The following GSDME variants were observed in gnomAD, a reference collection of about 807,000 sequenced individuals.
GSDME encodes gasdermin E.
A neutral mutation model predicts 47.5 loss-of-function variants in GSDME; 44 were observed. The ratio of observed to expected loss-of-function variants is 0.93; its 90% CI spans 0.73 to 1.19. GSDME has a LOEUF of 1.19. GSDME is among the 50% of genes most tolerant of loss of function. The probability of loss-of-function intolerance (pLI) is 0.00; values close to 1 mark genes in which losing one functional copy is unlikely to be tolerated. For missense variants in GSDME, 663 were observed against 604.2 expected, an observed-to-expected ratio of 1.10 and a Z score of -1.02; for synonymous variants, 258 against 252.8, an observed-to-expected ratio of 1.02 and a Z score of -0.20.
chr7:24,729,942 G>C (rs558886137), intron 3 of GSDME, among the ~76,000 whole-genome samples: 1 of 152,204 alleles, frequency 6.6e-6, no homozygotes, highest in Non-Finnish European at 1.5e-5. Flanking sequence ...CCATTTCCCA[G>C]AGAAACTGTC....
the GSDME span, among the ~76,000 whole-genome samples, chr7:24,780,193 G>A: frequency 2.0e-5 from 3 of 152,378 alleles, no homozygotes; most frequent in African/African-American, 7.2e-5. The surrounding 1 kb of genome is among the most constrained non-coding windows in gnomAD (Gnocchi z 4.1). Context: ...TTCCCGCCTT[G>A]TGAAATCACA....
At chr7:24,731,814 G>A (rs1790154812) in intron 3 of GSDME, among the ~76,000 whole-genome samples, 2 of 152,348 alleles carry the variant, frequency 1.3e-5, no homozygotes, top group South Asian at 4.1e-4. Flanking sequence ...TTGGTTTAAA[G>A]AAAAAGATCT....
At chr7:24,789,516 A>T in the GSDME span, among the ~76,000 whole-genome samples, 1 of 152,248 alleles carries the variant, frequency 6.6e-6, no homozygotes. Flanking sequence ...ACCGGTAATC[A>T]GAACGGAACA....
the GSDME span, among the ~76,000 whole-genome samples, chr7:24,766,507 T>C: frequency 3.9e-5 from 6 of 152,134 alleles, no homozygotes; most frequent in Admixed American, 1.3e-4. The surrounding 1 kb of genome is among the most constrained non-coding windows in gnomAD (Gnocchi z 4.2). Flanking sequence ...CCTGTGTCCA[T>C]GTGTTCTCAT....
At position 24,745,366 on chromosome 7, in the gene GSDME, A is replaced by G. The variant is rs1241561362; in HGVS notation, c.212-612T>C. Among the ~76,000 whole-genome samples, 1 of 152,030 alleles carries G rather than the reference A, an allele frequency of 6.6e-6. No homozygotes were observed. The highest frequency in any genetic ancestry group is 3.2e-3 in the Middle Eastern group (1 of 316). The stretch of plus-strand genomic sequence containing the variant: ...TCTACCCACCCACCAGTCTTGGAAA[A>G]CAATCCCCTGGCCCTTATTACCATC... On this transcript the variant is annotated intron_variant, in intron 2 of 9. Transcript: ENST00000645220. The surrounding 1 kb of genome is among the most constrained non-coding windows in gnomAD (Gnocchi z 4.4).
the GSDME span, among the ~76,000 whole-genome samples, chr7:24,780,748 G>A: frequency 6.6e-6 from 1 of 152,180 alleles, no homozygotes; most frequent in South Asian, 2.1e-4. This position sits in a 1 kb window ranked among gnomAD's most constrained non-coding sequence, Gnocchi z 4.1. Context: ...CTCCGCAAGC[G>A]GCAGAGCAGG....
chr7:24,710,814 A>G (rs1789322578), intron 5 of GSDME, among the ~76,000 whole-genome samples: 1 of 152,240 alleles, frequency 6.6e-6, no homozygotes, highest in Non-Finnish European at 1.5e-5. Flanking sequence ...TTATGTGATT[A>G]TATTTTTAAG....
chr7:24,757,051 G>A lies in GSDME; in HGVS notation c.-20+345C>T, dbSNP rs1791046891. 6.6e-6 allele frequency among the ~76,000 whole-genome samples: 1 copy of A among 152,176 alleles called. No homozygotes were observed. The highest frequency in any genetic ancestry group is 2.1e-4 in the South Asian group (1 of 4,836). On this transcript the variant is annotated intron_variant, in intron 1 of 9. Transcript: ENST00000645220. This position sits in a 1 kb window ranked among gnomAD's most constrained non-coding sequence, Gnocchi z 5.9. The stretch of plus-strand genomic sequence containing the variant: ...GGAGGGGGGGTTTGGGGGGTTGGGA[G>A]AACGAAAATACCAGCTGCGCTTCCA...
intron 3 of GSDME, among the ~76,000 whole-genome samples, chr7:24,741,794 G>A (rs773736371): frequency 7.9e-5 from 12 of 152,132 alleles, no homozygotes; most frequent in Non-Finnish European, 1.3e-4. Flanking sequence ...GGCAGACAAC[G>A]TGGATAAGAA....
intron 9 of GSDME, among the ~76,000 whole-genome samples, chr7:24,700,361 A>T (rs951576260): frequency 6.6e-6 from 1 of 152,194 alleles, no homozygotes; most frequent in Non-Finnish European, 1.5e-5. Flanking sequence ...ATATTTTACA[A>T]ATCTTAAGCA....
chr7:24,755,029 C>G (rs548134218), intron 1 of GSDME, among the ~76,000 whole-genome samples: 3 of 152,184 alleles, frequency 2.0e-5, no homozygotes, highest in Non-Finnish European at 4.4e-5. Flanking sequence ...TTCATAATAA[C>G]TCTTTGAAGT....
At chr7:24,743,419 A>G (rs1359567383) in intron 3 of GSDME, among the ~76,000 whole-genome samples, 1 of 152,240 alleles carries the variant, frequency 6.6e-6, no homozygotes, top group Non-Finnish European at 1.5e-5. Flanking sequence ...ATGTTACTGT[A>G]CAAACTGAAA....
chr7:24,709,681 A>G (rs1001037098), intron 6 of GSDME, among the ~76,000 whole-genome samples: 10 of 152,182 alleles, frequency 6.6e-5, no homozygotes, highest in Admixed American at 6.5e-4. Flanking sequence ...CTAAAGCACA[A>G]TACGCTGTGA....
At chr7:24,789,507 CCGGTAATCAGAA>C in the GSDME span, among the ~76,000 whole-genome samples, 1 of 152,160 alleles carries the variant, frequency 6.6e-6, no homozygotes, top group African/African-American at 2.4e-5. Context: ...GCTGCATGCA[CCGGTAATCAGAA>C]CGGAACAGAA....
chr7:24,740,378 C>G (rs951368101), intron 3 of GSDME, among the ~76,000 whole-genome samples: 1 of 151,584 alleles, frequency 6.6e-6, no homozygotes, highest in African/African-American at 2.4e-5. Context: ...TATAACATAA[C>G]TTTAGGATAC....
intron 6 of GSDME, among the ~76,000 whole-genome samples, chr7:24,709,353 TCAAGTGGCA>T (rs1789252843): frequency 6.6e-6 from 1 of 152,232 alleles, no homozygotes; most frequent in African/African-American, 2.4e-5. Flanking sequence ...ACAAAATCCT[TCAAGTGGCA>T]GCTGAAAATT....
the GSDME span, among the ~76,000 whole-genome samples, chr7:24,781,301 G>A: frequency 6.6e-6 from 1 of 152,190 alleles, no homozygotes; most frequent in Non-Finnish European, 1.5e-5. Context: ...AAGAGGAACA[G>A]CATGCACAAA....
chr7:24,710,838 TATA>T (rs1789323520), intron 5 of GSDME, among the ~76,000 whole-genome samples: 1 of 152,222 alleles, frequency 6.6e-6, no homozygotes, highest in Non-Finnish European at 1.5e-5. Context: ...TCAATGTTTC[TATA>T]ATATATAGAA....
At chr7:24,783,290 T>C in the GSDME span, among the ~76,000 whole-genome samples, 2 of 152,196 alleles carry the variant, frequency 1.3e-5, no homozygotes, top group Non-Finnish European at 2.9e-5. Flanking sequence ...TACAAGATTG[T>C]AGCTGTAAGC....
Sources: gnomAD v4.1 joint callset for allele counts (sites outside exome capture counted in the v4.1 genomes callset) on GRCh38, gnomAD v4.1.1 for gene constraint, Gnocchi (gnomAD v3.1) non-coding constraint, MANE v1.5 for transcripts, NCBI Gene and HGNC (gene_info 2026-07-23, HGNC 2026-07-21) for gene names.